DPF1: variants seen among roughly 807,000 people sequenced by gnomAD.
DPF1 encodes double PHD fingers 1.
DPF1 carries 14 observed loss-of-function variants against 58.7 expected under a neutral mutation model. The observed-to-expected ratio is 0.24, with a 90% confidence interval of 0.16 to 0.37. The LOEUF (loss-of-function observed/expected upper bound fraction) is 0.37. Among genes scored for constraint, DPF1 ranks in the 10% least tolerant of loss-of-function variants. The pLI is 1.00. For synonymous variants in DPF1, 216 were observed against 216.0 expected (o/e 1.00, Z 0.00); for missense variants, 345 against 529.9 (o/e 0.65, Z 3.43).
In DPF1 at chr19:38,211,688, T is replaced by A. The variant is rs1366793076; in HGVS notation, c.*375A>T. On this transcript the variant is annotated 3_prime_UTR_variant, in exon 12 of 12. Coordinates refer to ENST00000355526, the MANE Select transcript of DPF1 (RefSeq NM_001135155.3). This position sits in a 1 kb window ranked among gnomAD's most constrained non-coding sequence, Gnocchi z 4.0. ...GGAGGACTCTTTGTATATATTAACT[T>A]CTTTTCTTTTCTTCTTTTTTTTTTT... The A allele has an allele frequency of 5.2e-6, 1 of 190,580 alleles. No homozygotes were observed. Among genetic ancestry groups the A allele is most frequent in the African/African-American group, 2.4e-5 (1 of 42,344 alleles). The allele number at this position is 190,580 out of a possible 1,614,324, so 11.8% of individuals were successfully genotyped here.
chr19:38,221,234 A>G (rs941383092), intron 3 of DPF1, among the ~76,000 whole-genome samples: 2 of 152,162 alleles, frequency 1.3e-5, no homozygotes, highest in Non-Finnish European at 2.9e-5. Flanking sequence ...TCAGGCACCC[A>G]CAGAAAAAAA....
At chr19:38,213,336 G>A (rs1600232884) in intron 10 of DPF1, among the ~76,000 whole-genome samples, 1 of 152,186 alleles carries the variant, frequency 6.6e-6, no homozygotes, top group African/African-American at 2.4e-5. Context: ...AGTGGTCATG[G>A]CTTTAAATCT....
In DPF1 at chr19:38,213,594, G is replaced by A. The variant is rs776174755; in HGVS notation, c.1011+50C>T. 5.4e-5 allele frequency: 83 copies of A among 1,527,048 alleles called. No homozygotes were observed. In the Admixed American group the frequency reaches 1.3e-3, roughly 24 times the overall value. The allele number at this position is 1,527,048 out of a possible 1,614,324, so 94.6% of individuals were successfully genotyped here. A position where few individuals can be genotyped will look rare whatever the true frequency, so the allele number is the denominator to read the frequency against. On this transcript the variant is annotated intron_variant, in intron 10 of 11. Transcript: ENST00000355526. Reference sequence around the variant, plus strand: ...TTAGGCTTAAGGGGCAGAGGTGGACGTGCCAGGCGGGGCGGGCAGCAGGGC... The same window carrying A: ...TTAGGCTTAAGGGGCAGAGGTGGACATGCCAGGCGGGGCGGGCAGCAGGGC...
Position 38,221,448 on chromosome 19 carries a change from G to A in DPF1, c.298+909C>T, listed in dbSNP as rs1272555545. ...CCAGCTACTCAGGAGGCTGAGACAG[G>A]AGAATCGCTTGAACCCACTAGGCGG... On this transcript the variant is annotated intron_variant, in intron 3 of 11. Transcript: ENST00000355526. Among the ~76,000 whole-genome samples the A allele has an allele frequency of 2.6e-5, 4 of 151,822 alleles. No individual in the cohort carries two copies. In the East Asian group the frequency reaches 7.7e-4, roughly 29 times the overall value.
intron 3 of DPF1, 177 bp from the exon 4 acceptor site, chr19:38,219,235 G>A: frequency 1.3e-6 from 1 of 782,418 alleles, no homozygotes; most frequent in South Asian, 1.8e-5. Context: ...CACGCCCTCA[G>A]ATGCCCTGGG....
intron 7 of DPF1, 82 bp from the exon 8 acceptor site, chr19:38,216,485 C>A: frequency 6.8e-7 from 1 of 1,466,418 alleles, no homozygotes; most frequent in Non-Finnish European, 9.1e-7. Context: ...CAAGGATGGA[C>A]CTCTTAGTCC....
chr19:38,218,801 T>C (rs768218061), intron 4 of DPF1, 130 bp downstream of exon 4: 4 of 1,537,376 alleles, frequency 2.6e-6, no homozygotes, highest in African/African-American at 1.4e-5. Flanking sequence ...TCTGGGAGGA[T>C]GGTGACTGGG....
chr19:38,224,200 C>G lies in DPF1; in HGVS notation c.-58G>C, dbSNP rs769752548. 4.4e-6 allele frequency: 6 copies of G among 1,360,640 alleles called. No individual in the cohort carries two copies. Among genetic ancestry groups the G allele is most frequent in the South Asian group, 2.0e-5 (1 of 49,816 alleles). 84.3% of individuals were successfully genotyped at this position (1,360,640 alleles called of 1,614,324 possible). A position where few individuals can be genotyped will look rare whatever the true frequency, so the allele number is the denominator to read the frequency against. On this transcript the variant is annotated 5_prime_UTR_variant, in exon 1 of 12. Coordinates refer to ENST00000355526, the MANE Select transcript of DPF1 (RefSeq NM_001135155.3). This position sits in a 1 kb window ranked among gnomAD's most constrained non-coding sequence, Gnocchi z 4.5. The stretch of plus-strand genomic sequence containing the variant: ...CCGCCGGGTCGGTCCTCCCAGCGGT[C>G]GGGCGGGCGCTGAGGCCGCCCATCC...
chr19:38,225,035 G>A (rs896961764), upstream of DPF1, among the ~76,000 whole-genome samples: 25 of 152,232 alleles, frequency 1.6e-4, no homozygotes, highest in African/African-American at 6.0e-4. Flanking sequence ...TGGATCACCT[G>A]AGGATGGGAG....
In DPF1 at chr19:38,222,557, G is replaced by C. The variant is rs1476395972; in HGVS notation, c.181C>G (p.Arg61Gly). 1 of 1,608,294 alleles carries C rather than the reference G, an allele frequency of 6.2e-7. No homozygotes were observed. Among genetic ancestry groups the C allele is most frequent in the Admixed American group, 1.7e-5 (1 of 59,512 alleles). The change falls in exon 2 of 12, where the codon CGC (arginine) becomes GGC (glycine). Residue 61 changes from arginine to glycine, a missense_variant. Transcript: ENST00000355526. The surrounding 1 kb of genome is among the most constrained non-coding windows in gnomAD (Gnocchi z 4.9). ...GCCCTCCCGGCGGTACCCGGCCCGC[G>C]GTGGGTCTTCTCCATCCAGATGTAG... ...NCYIWMEKTH[R>G]GPGLAPGQIY...
chr19:38,221,316 T>A (rs1967454905), intron 3 of DPF1, among the ~76,000 whole-genome samples: 1 of 152,020 alleles, frequency 6.6e-6, no homozygotes, highest in Non-Finnish European at 1.5e-5. Flanking sequence ...GGCAGGTGGA[T>A]CACCTGAGGT....
chr19:38,213,048 C>T (rs1372520312), intron 10 of DPF1, among the ~76,000 whole-genome samples: 1 of 148,804 alleles, frequency 6.7e-6, no homozygotes, highest in South Asian at 2.1e-4. Context: ...TGTGCAGTGG[C>T]GCCATCTCGG....
At chr19:38,220,288 GA>G in intron 3 of DPF1, among the ~76,000 whole-genome samples, 1 of 148,820 alleles carries the variant, frequency 6.7e-6, no homozygotes, top group East Asian at 2.0e-4. Context: ...AAAAGAAAAA[GA>G]GAGAGAGAGA....
chr19:38,222,948 A>C lies in DPF1; in HGVS notation c.30-240T>G. 1.9e-6 allele frequency: 1 copy of C among 518,276 alleles called. No homozygotes were observed. The highest frequency in any genetic ancestry group is 3.3e-6 in the Non-Finnish European group (1 of 299,360). The allele number at this position is 518,276 out of a possible 1,614,324, so 32.1% of individuals were successfully genotyped here. A position where few individuals can be genotyped will look rare whatever the true frequency, so the allele number is the denominator to read the frequency against. On this transcript the variant is annotated intron_variant, in intron 1 of 11. Coordinates refer to ENST00000355526, the MANE Select transcript of DPF1 (RefSeq NM_001135155.3). This position sits in a 1 kb window ranked among gnomAD's most constrained non-coding sequence, Gnocchi z 4.9. ...CTCATGAGTAGAAACACGATACAGA[A>C]ACAAACAAAAACACACCGGGACGTA...
At position 38,211,967 on chromosome 19, in the gene DPF1, C is replaced by T; in HGVS notation, c.*96G>A. On this transcript the variant is annotated 3_prime_UTR_variant, in exon 12 of 12. Transcript: ENST00000355526. The surrounding 1 kb of genome is among the most constrained non-coding windows in gnomAD (Gnocchi z 4.0). Reference sequence around the variant, plus strand: ...CCCCTCTCGGCTTCCCCCTCTCCCCCTCCCCCTGCGGGATGTTCAGGGTGG... The same window carrying T: ...CCCCTCTCGGCTTCCCCCTCTCCCCTTCCCCCTGCGGGATGTTCAGGGTGG... 1.4e-6 allele frequency: 2 copies of T among 1,413,526 alleles called. No individual in the cohort carries two copies. The highest frequency in any genetic ancestry group is 2.5e-5 in the South Asian group (2 of 79,394). 87.6% of individuals were successfully genotyped at this position (1,413,526 alleles called of 1,614,324 possible). A position where few individuals can be genotyped will look rare whatever the true frequency, so the allele number is the denominator to read the frequency against.
At chr19:38,217,657 C>A in intron 6 of DPF1, 66 bp from the exon 7 acceptor site, 1 of 1,531,478 alleles carries the variant, frequency 6.5e-7, no homozygotes, top group Non-Finnish European at 8.8e-7. Flanking sequence ...CCACCCTGGC[C>A]TCCAGGATCA....
chr19:38,226,493 C>T (rs559207995), upstream of DPF1, among the ~76,000 whole-genome samples: 1 of 135,842 alleles, frequency 7.4e-6, no homozygotes, highest in Admixed American at 7.5e-5. Flanking sequence ...CCTACACTCA[C>T]GGTCACTTCT....
upstream of DPF1, chr19:38,224,279 G>A: frequency 7.9e-7 from 1 of 1,262,346 alleles, no homozygotes; most frequent in Non-Finnish European, 1.0e-6. This position sits in a 1 kb window ranked among gnomAD's most constrained non-coding sequence, Gnocchi z 4.5. Flanking sequence ...CGGCGACGGG[G>A]CGGGCCCGCC....
intron 9 of DPF1, among the ~76,000 whole-genome samples, chr19:38,214,924 G>GC (rs1966903049): frequency 6.9e-6 from 1 of 145,896 alleles, no homozygotes; most frequent in African/African-American, 2.6e-5. Flanking sequence ...CAACCTCTGA[G>GC]CCCCGGGTTC....
Sources: gnomAD v4.1 joint callset for allele counts (sites outside exome capture counted in the v4.1 genomes callset) on GRCh38, gnomAD v4.1.1 for gene constraint, Gnocchi (gnomAD v3.1) non-coding constraint, MANE v1.5 for transcripts, NCBI Gene and HGNC (gene_info 2026-07-23, HGNC 2026-07-21) for gene names.